The following CHODL variants were observed in gnomAD, a reference collection of about 807,000 sequenced individuals.
CHODL encodes chondrolectin, also known as transmembrane protein MT75.
Under a neutral mutation model 34.5 loss-of-function variants are expected in CHODL, and 29 were observed. The observed-to-expected ratio is 0.84, with a 90% CI of 0.63 to 1.15. CHODL has a LOEUF of 1.15. Among genes scored for constraint, CHODL ranks in the 50% most tolerant of loss-of-function variants. The pLI, the probability that CHODL is intolerant of heterozygous loss-of-function variation, is 0.00. For missense variants in CHODL, 332 were observed against 332.5 expected (o/e 1.00, Z 0.01); for synonymous variants, 125 against 116.1 (o/e 1.08, Z -0.49).
At chr21:18,235,721 T>C (rs1158890746) in intron 2 of CHODL, among the ~76,000 whole-genome samples, 3 of 152,260 alleles carry the variant, frequency 2.0e-5, no homozygotes, top group East Asian at 1.9e-4. Context: ...CTAAAACTTA[T>C]TGAAAATAGC....
rs1384000238 is a variant in CHODL, at chr21:18,244,932, G to C, written c.-292G>C. On this transcript the variant is annotated 5_prime_UTR_variant, in exon 1 of 6. Coordinates refer to ENST00000299295, the MANE Select transcript of CHODL (RefSeq NM_024944.3). ...AGCGCAACGGTGTGGTCCAAGCCGG[G>C]GCTTCTGCTTCGCCTCTAGGACATA... 5.3e-6 allele frequency: 2 copies of C among 375,976 alleles called. No homozygotes were observed. The highest frequency in any genetic ancestry group is 4.9e-5 in the Admixed American group (1 of 20,524). 23.3% of individuals were successfully genotyped at this position (375,976 alleles called of 1,614,324 possible).
intron 1 of CHODL, among the ~76,000 whole-genome samples, chr21:18,252,766 G>A (rs1291495257): frequency 1.3e-5 from 2 of 152,108 alleles, no homozygotes; most frequent in Non-Finnish European, 2.9e-5. Context: ...AGACACAGCT[G>A]ATGATCAAAC....
chr21:18,222,861 T>C (rs2073897735), intron 2 of CHODL, among the ~76,000 whole-genome samples: 1 of 152,154 alleles, frequency 6.6e-6, no homozygotes, highest in Admixed American at 6.6e-5. Context: ...CCCCAAATAA[T>C]GAATTTTGAA....
At chr21:17,979,144 T>A (rs2063694784) in intron 1 of CHODL, among the ~76,000 whole-genome samples, 1 of 152,204 alleles carries the variant, frequency 6.6e-6, no homozygotes, top group Admixed American at 6.5e-5. Context: ...GCAAAGTCCC[T>A]TTTGCCACGT....
chr21:18,135,064 C>G (rs2072703832), intron 2 of CHODL, among the ~76,000 whole-genome samples: 1 of 152,164 alleles, frequency 6.6e-6, no homozygotes, highest in Non-Finnish European at 1.5e-5. Flanking sequence ...TCACTTGAGC[C>G]ATGTTTGCAT....
At chr21:18,252,474 C>T (rs1036102584) in intron 1 of CHODL, among the ~76,000 whole-genome samples, 6 of 151,990 alleles carry the variant, frequency 3.9e-5, no homozygotes, top group African/African-American at 1.2e-4. Flanking sequence ...CATTTGTTTC[C>T]CAGCTGTTGG....
At chr21:18,164,603 C>A (rs2073131573) in intron 2 of CHODL, among the ~76,000 whole-genome samples, 1 of 152,138 alleles carries the variant, frequency 6.6e-6, no homozygotes, top group Non-Finnish European at 1.5e-5. Flanking sequence ...GAGTATAACA[C>A]CTACATCATA....
chr21:18,091,945 A>G (rs1385097690), intron 2 of CHODL, among the ~76,000 whole-genome samples: 1 of 152,098 alleles, frequency 6.6e-6, no homozygotes, highest in Non-Finnish European at 1.5e-5. Flanking sequence ...GAATAGAGCA[A>G]CTGGTAAATT....
intron 2 of CHODL, among the ~76,000 whole-genome samples, chr21:18,117,750 T>A (rs28451506): frequency 0.35 from 53,589 of 151,302 alleles, 10,823 homozygotes; most frequent in East Asian, 0.68. Flanking sequence ...AATAAAACAA[T>A]GAAATAGACA....
chr21:18,096,629 C>G (rs1305111381), intron 2 of CHODL, among the ~76,000 whole-genome samples: 1 of 152,170 alleles, frequency 6.6e-6, no homozygotes, highest in African/African-American at 2.4e-5. Flanking sequence ...GAATTCTAGT[C>G]AGACCGGTTG....
chr21:18,202,423 G>A (rs564582116), intron 2 of CHODL, among the ~76,000 whole-genome samples: 19 of 152,140 alleles, frequency 1.2e-4, no homozygotes, highest in Non-Finnish European at 2.5e-4. Flanking sequence ...TATGAAAAGA[G>A]GCACCAGGAA....
At chr21:17,977,363 A>G (rs199622280) in intron 1 of CHODL, among the ~76,000 whole-genome samples, 1 of 126,152 alleles carries the variant, frequency 7.9e-6, no homozygotes, top group Admixed American at 8.2e-5. Context: ...TGGCTGTTTT[A>G]CTTTTTTTTT....
chr21:18,035,995 A>G (rs2146446397), intron 2 of CHODL, among the ~76,000 whole-genome samples: 1 of 152,102 alleles, frequency 6.6e-6, no homozygotes, highest in South Asian at 2.1e-4. Context: ...TACTTGGCTG[A>G]CAGACATTAT....
intron 3 of CHODL, 58 bp from the exon 4 acceptor site, chr21:18,260,136 TTATATA>T: frequency 1.6e-6 from 1 of 637,436 alleles, no homozygotes; most frequent in South Asian, 4.3e-5. Flanking sequence ...AATTTCATAT[TTATATA>T]TATTTTCAAT....
At chr21:18,205,963 C>T (rs1414176691) in intron 2 of CHODL, among the ~76,000 whole-genome samples, 1 of 152,054 alleles carries the variant, frequency 6.6e-6, no homozygotes, top group East Asian at 1.9e-4. Flanking sequence ...CCTCTTGTTA[C>T]TGATTTTTAG....
At position 17,921,335 on chromosome 21, in the gene CHODL, C is replaced by G. The variant is rs1339949642; in HGVS notation, c.-145+3935C>G. On this transcript the variant is annotated intron_variant, in intron 1 of 6. Transcript: ENST00000400127. ...GGCAATCTTCTTTATGCAAAGTTCA[C>G]TGTTTTAAATGTTAATGCCATTCAG... 2.0e-5 allele frequency among the ~76,000 whole-genome samples: 3 copies of G among 152,292 alleles called. No individual in the cohort carries two copies. In the East Asian group the frequency reaches 5.8e-4, roughly 29 times the overall value.
At chr21:18,145,953 G>C (rs982887088) in intron 2 of CHODL, among the ~76,000 whole-genome samples, 2 of 150,304 alleles carry the variant, frequency 1.3e-5, no homozygotes, top group Admixed American at 1.3e-4. Context: ...TTATTTTTTG[G>C]TTTTGTTTTT....
At chr21:18,081,479 A>G (rs979530675) in intron 2 of CHODL, among the ~76,000 whole-genome samples, 10 of 152,158 alleles carry the variant, frequency 6.6e-5, no homozygotes, top group African/African-American at 1.9e-4. Flanking sequence ...TCAGGAGTTC[A>G]AGACCAGCCT....
intron 2 of CHODL, among the ~76,000 whole-genome samples, chr21:18,052,163 G>A (rs548601441): frequency 1.3e-5 from 2 of 152,040 alleles, no homozygotes; most frequent in East Asian, 3.9e-4. Flanking sequence ...AGAAATCTTG[G>A]TATTTACGTA....
Sources: gnomAD v4.1 joint callset for allele counts (sites outside exome capture counted in the v4.1 genomes callset) on GRCh38, gnomAD v4.1.1 for gene constraint, MANE v1.5 for transcripts, NCBI Gene and HGNC (gene_info 2026-07-23, HGNC 2026-07-21) for gene names.